Variants in MAGI1 observed in about 807,000 individuals in gnomAD.
The protein encoded by MAGI1 is membrane associated guanylate kinase, WW and PDZ domain containing 1, also known as membrane-associated guanylate kinase, WW and PDZ domain-containing protein 1.
Under a neutral mutation model 139.9 loss-of-function variants are expected in MAGI1, and 58 were observed. The ratio of observed to expected loss-of-function variants is 0.41; its 90% confidence interval spans 0.34 to 0.52. MAGI1 has a LOEUF of 0.52. Ranked by LOEUF, MAGI1 falls within the 20% of genes least tolerant of loss-of-function variation. The probability of loss-of-function intolerance (pLI) is 0.12; values close to 1 mark genes in which losing one functional copy is unlikely to be tolerated. For missense variants in MAGI1, 1,874 were observed against 1,901.6 expected (o/e 0.99, Z 0.27); for synonymous variants, 812 against 737.9 (o/e 1.10, Z -1.63).
chr3:65,856,004 A>C (rs939505860), intron 1 of MAGI1, among the ~76,000 whole-genome samples: 3 of 152,024 alleles, frequency 2.0e-5, no homozygotes, highest in African/African-American at 7.3e-5. Flanking sequence ...GACCAGCAGA[A>C]TTTTCTTGAT....
chr3:65,696,061 C>G (rs2089155658), intron 1 of MAGI1, among the ~76,000 whole-genome samples: 2 of 152,216 alleles, frequency 1.3e-5, no homozygotes, highest in Admixed American at 1.3e-4. Context: ...CACCGTCCAT[C>G]TCCCTTCCCA....
At chr3:65,607,591 G>C (rs1443369032) in intron 2 of MAGI1, among the ~76,000 whole-genome samples, 4 of 152,180 alleles carry the variant, frequency 2.6e-5, no homozygotes, top group South Asian at 2.1e-4. Flanking sequence ...ACAAGGGAGT[G>C]AGAGGAAATA....
intron 1 of MAGI1, among the ~76,000 whole-genome samples, chr3:65,661,644 C>T (rs1244086270): frequency 6.6e-6 from 1 of 151,856 alleles, no homozygotes; most frequent in East Asian, 1.9e-4. Flanking sequence ...TGATGGGAAG[C>T]ATATGAAATT....
In MAGI1 at chr3:65,452,068, C is replaced by A. The variant is rs1038914832; in HGVS notation, c.1042+1190G>T. Among the ~76,000 whole-genome samples the A allele has an allele frequency of 3.9e-5, 6 of 152,234 alleles. No homozygotes were observed. In the South Asian group the frequency reaches 8.3e-4, roughly 21 times the overall value. ...TATTATCTCCCAAGCATGCAAAATA[C>A]CAGAGCTGAATGAACCTGTTCTATT... On this transcript the variant is annotated intron_variant, in intron 6 of 22. Coordinates refer to ENST00000402939, the MANE Select transcript of MAGI1 (RefSeq NM_001033057.2).
At chr3:65,686,056 C>T (rs1576725905) in intron 1 of MAGI1, among the ~76,000 whole-genome samples, 1 of 114,092 alleles carries the variant, frequency 8.8e-6, no homozygotes, top group Non-Finnish European at 2.2e-5. Flanking sequence ...AGAGAAAACA[C>T]CTCCGGCAAG....
chr3:65,858,734 A>G (rs2059447949), intron 1 of MAGI1, among the ~76,000 whole-genome samples: 1 of 152,240 alleles, frequency 6.6e-6, no homozygotes, highest in Admixed American at 6.5e-5. Flanking sequence ...CAAAAAACTC[A>G]TCTGTGATGA....
In MAGI1 at chr3:65,969,501, C is replaced by A. The variant is rs181731053; in HGVS notation, c.313+68495G>T. Among the ~76,000 whole-genome samples, 577 of 152,292 alleles carry A rather than the reference C, an allele frequency of 3.8e-3. 2 individuals carry two copies. The highest frequency in any genetic ancestry group is 5.7e-3 in the Non-Finnish European group (391 of 68,022). On this transcript the variant is annotated intron_variant, in intron 1 of 22. Coordinates refer to ENST00000402939, the MANE Select transcript of MAGI1 (RefSeq NM_001033057.2). ...AAAATTGCCACTGACCTGGGAGAAA[C>A]TGAACTGCTTGCTCATTCACCTTCC...
At chr3:65,579,913 T>G (rs1298871264) in intron 2 of MAGI1, among the ~76,000 whole-genome samples, 1 of 151,778 alleles carries the variant, frequency 6.6e-6, no homozygotes, top group Non-Finnish European at 1.5e-5. Context: ...CTAGACAAGC[T>G]CACTGGCACT....
At chr3:65,491,332 A>G (rs529636207) in intron 3 of MAGI1, among the ~76,000 whole-genome samples, 1 of 152,304 alleles carries the variant, frequency 6.6e-6, no homozygotes, top group East Asian at 1.9e-4. Flanking sequence ...GATAAAATTA[A>G]ATGAGAAAAA....
At chr3:65,942,970 G>A (rs1473825337) in intron 1 of MAGI1, among the ~76,000 whole-genome samples, 4 of 151,918 alleles carry the variant, frequency 2.6e-5, no homozygotes, top group Admixed American at 1.3e-4. Context: ...GCAGTGAGCC[G>A]AGATCATGCC....
At chr3:65,699,133 T>C (rs2089425084) in intron 1 of MAGI1, among the ~76,000 whole-genome samples, 2 of 104,274 alleles carry the variant, frequency 1.9e-5, no homozygotes, top group African/African-American at 4.5e-5. Context: ...AAAATGCTCA[T>C]CATCACTGGC....
intron 1 of MAGI1, among the ~76,000 whole-genome samples, chr3:65,947,905 A>ACTG (rs1036867222): frequency 2.0e-5 from 3 of 148,682 alleles, no homozygotes; most frequent in African/African-American, 7.4e-5. Flanking sequence ...GCATTGAGCA[A>ACTG]CTGCTGTGCC....
intron 6 of MAGI1, among the ~76,000 whole-genome samples, chr3:65,452,024 T>C (rs1949060427): frequency 6.6e-6 from 1 of 152,162 alleles, no homozygotes; most frequent in African/African-American, 2.4e-5. Flanking sequence ...AACAGAATAC[T>C]GAAATAATCA....
intron 22 of MAGI1, chr3:65,359,560 C>T: frequency 1.2e-6 from 1 of 817,642 alleles, no homozygotes; most frequent in Non-Finnish European, 1.5e-6. Flanking sequence ...GTACAAAAAA[C>T]TCATTACAAA....
In MAGI1 at chr3:65,996,559, G is replaced by A. The variant is rs552105352; in HGVS notation, c.313+41437C>T. ...AAACTAAGGGGGGGGGGGGGGAAGCGAGCCCCCACTTAAAGTTACCCTTCC... is the reference window on the plus strand; with the variant it reads ...AAACTAAGGGGGGGGGGGGGGAAGCAAGCCCCCACTTAAAGTTACCCTTCC... On this transcript the variant is annotated intron_variant, in intron 1 of 22. Transcript: ENST00000402939. Among the ~76,000 whole-genome samples the A allele has an allele frequency of 4.1e-3, 608 of 146,550 alleles. 5 individuals are homozygous for A. The highest frequency in any genetic ancestry group is 0.015 in the African/African-American group (578 of 38,718).
At chr3:65,531,846 TAA>T (rs910774618) in intron 2 of MAGI1, among the ~76,000 whole-genome samples, 1 of 152,202 alleles carries the variant, frequency 6.6e-6, no homozygotes, top group Admixed American at 6.5e-5. Flanking sequence ...TTATACAGAT[TAA>T]AAGAGTGAGT....
intron 2 of MAGI1, among the ~76,000 whole-genome samples, chr3:65,548,165 G>A (rs1408700607): frequency 6.6e-6 from 1 of 152,188 alleles, no homozygotes; most frequent in African/African-American, 2.4e-5. Flanking sequence ...TGGCAGACAG[G>A]CCTGATTGCC....
chr3:65,710,981 T>C (rs188894471), intron 1 of MAGI1, among the ~76,000 whole-genome samples: 2 of 152,340 alleles, frequency 1.3e-5, no homozygotes, highest in East Asian at 3.9e-4. Flanking sequence ...CCTTTTCTTT[T>C]TGTAACTCAT....
intron 2 of MAGI1, among the ~76,000 whole-genome samples, chr3:65,509,963 C>G (rs1187742308): frequency 2.6e-5 from 4 of 152,134 alleles, no homozygotes; most frequent in East Asian, 1.9e-4. Flanking sequence ...ATCTGAGAAC[C>G]GGCAGACTGC....
Sources: allele counts gnomAD v4.1 joint callset (sites outside exome capture counted in the v4.1 genomes callset), GRCh38; gene constraint gnomAD v4.1.1; transcripts MANE v1.5; gene names NCBI Gene and HGNC (gene_info 2026-07-23, HGNC 2026-07-21).